NR5A2: variants seen among roughly 807,000 people sequenced by gnomAD.
The protein encoded by NR5A2 is CYP7A promoter-binding factor.
NR5A2 carries 26 observed loss-of-function variants against 62.7 expected under a neutral mutation model. The ratio of observed to expected loss-of-function variants is 0.41; its 90% confidence interval spans 0.30 to 0.58. NR5A2 has a LOEUF of 0.58. NR5A2 is among the 20% of genes least tolerant of loss of function. The probability of loss-of-function intolerance (pLI) is 0.22; values close to 1 mark genes in which losing one functional copy is unlikely to be tolerated. For missense variants in NR5A2, 541 were observed against 669.1 expected (o/e 0.81, Z 2.11); for synonymous variants, 246 against 241.7 (o/e 1.02, Z -0.16).
intron 5 of NR5A2, chr1:200,058,262 TGAA>T (rs2102188754): frequency 6.6e-6 from 1 of 152,324 alleles, no homozygotes; most frequent in Non-Finnish European, 1.5e-5. Context: ...CCATCTCCTA[TGAA>T]TTGACTATCA....
chr1:200,105,737 A>C (rs1665620534), intron 5 of NR5A2, among the ~76,000 whole-genome samples: 1 of 152,120 alleles, frequency 6.6e-6, no homozygotes, highest in Non-Finnish European at 1.5e-5. Flanking sequence ...GGATACCTTG[A>C]GTCTAGGAGT....
intron 7 of NR5A2, among the ~76,000 whole-genome samples, chr1:200,148,503 T>A (rs1667828627): frequency 6.6e-6 from 1 of 152,094 alleles, no homozygotes; most frequent in South Asian, 2.1e-4. Context: ...CTCCCCCCAA[T>A]AATCTCACAA....
intron 5 of NR5A2, among the ~76,000 whole-genome samples, chr1:200,095,184 A>G (rs1665027847): frequency 6.6e-6 from 1 of 150,874 alleles, no homozygotes; most frequent in African/African-American, 2.4e-5. Context: ...TGGTATACTC[A>G]TAGCTCACTG....
intron 7 of NR5A2, among the ~76,000 whole-genome samples, chr1:200,123,750 A>ATT (rs11397949): frequency 0.03 from 1,606 of 52,782 alleles, 36 homozygotes; most frequent in African/African-American, 0.085. Flanking sequence ...TACTTATTTA[A>ATT]TTTTTTTTTT....
chr1:200,113,335 C>T (rs904550259), intron 6 of NR5A2, among the ~76,000 whole-genome samples: 3 of 152,218 alleles, frequency 2.0e-5, no homozygotes, highest in East Asian at 1.9e-4. Flanking sequence ...TTTTTTCATC[C>T]AGTCCAGTGG....
intron 7 of NR5A2, among the ~76,000 whole-genome samples, chr1:200,156,543 G>C (rs1468511740): frequency 6.6e-6 from 1 of 151,900 alleles, no homozygotes; most frequent in African/African-American, 2.4e-5. Flanking sequence ...GATTACAGGT[G>C]CCCCCCCACC....
intron 7 of NR5A2, among the ~76,000 whole-genome samples, chr1:200,172,105 T>C (rs1192159840): frequency 6.6e-6 from 1 of 152,210 alleles, no homozygotes; most frequent in African/African-American, 2.4e-5. Flanking sequence ...TTTTTCACTG[T>C]AGCGTAAAAT....
chr1:200,114,346 AAAG>A (rs1182917100), intron 6 of NR5A2, among the ~76,000 whole-genome samples: 12 of 151,620 alleles, frequency 7.9e-5, no homozygotes, highest in African/African-American at 2.9e-4. Context: ...AAAAAGAAAA[AAAG>A]AACTGCTTCC....
At chr1:200,159,410 G>A (rs921714038) in intron 7 of NR5A2, among the ~76,000 whole-genome samples, 1 of 152,012 alleles carries the variant, frequency 6.6e-6, no homozygotes, top group Non-Finnish European at 1.5e-5. Context: ...GTCACCCAGG[G>A]CCACATCACC....
At chr1:200,041,838 GT>G (rs1411597781) in intron 2 of NR5A2, among the ~76,000 whole-genome samples, 1 of 152,122 alleles carries the variant, frequency 6.6e-6, no homozygotes, top group Non-Finnish European at 1.5e-5. Context: ...TCGATGTCGG[GT>G]CCCCGAGGTA....
chr1:200,080,533 G>A (rs1279800024), intron 5 of NR5A2, among the ~76,000 whole-genome samples: 1 of 152,142 alleles, frequency 6.6e-6, no homozygotes, highest in Non-Finnish European at 1.5e-5. Context: ...AAGGAAAAAT[G>A]AGCTCTGTAA....
chr1:200,110,490 A>G (rs1232512672), intron 5 of NR5A2, among the ~76,000 whole-genome samples: 3 of 152,306 alleles, frequency 2.0e-5, no homozygotes, highest in Middle Eastern at 3.4e-3. Flanking sequence ...TGTAATCCTC[A>G]TAGCAACCTT....
At chr1:200,038,873 C>T (rs955240845) in intron 1 of NR5A2, 2 of 706,656 alleles carry the variant, frequency 2.8e-6, no homozygotes, top group Non-Finnish European at 4.0e-6. Flanking sequence ...GGGACTGGAG[C>T]CTGAGCCTCA....
chr1:200,107,820 G>A (rs572381062), intron 5 of NR5A2, among the ~76,000 whole-genome samples: 5 of 150,016 alleles, frequency 3.3e-5, no homozygotes, highest in Admixed American at 1.3e-4. Context: ...TTTAAGAGAC[G>A]GGGTTTCACC....
At chr1:200,157,209 C>A (rs1284493643) in intron 7 of NR5A2, among the ~76,000 whole-genome samples, 1 of 152,178 alleles carries the variant, frequency 6.6e-6, no homozygotes, top group Admixed American at 6.5e-5. Flanking sequence ...GAGCAATTTA[C>A]TAATTTCAAT....
At chr1:200,041,035 C>T (rs886298583) in intron 2 of NR5A2, among the ~76,000 whole-genome samples, 2 of 152,006 alleles carry the variant, frequency 1.3e-5, no homozygotes, top group Non-Finnish European at 2.9e-5. Flanking sequence ...GCCTTTCTTC[C>T]GGGCACCTGG....
At chr1:200,163,933 A>G (rs61826186) in intron 7 of NR5A2, among the ~76,000 whole-genome samples, 28,966 of 152,032 alleles carry the variant, frequency 0.19, 3,736 homozygotes, top group African/African-American at 0.37. Flanking sequence ...TGTAATCCCC[A>G]ATGCTGGAGG....
Position 200,159,937 on chromosome 1 carries a change from GC to G in NR5A2, c.1379-14024del, listed in dbSNP as rs1653565755. ...CAAAGTGCTGGGATTAGAGGCATAAGCCACCATGCCTGGTCTGAGAAGATTT... is the reference window on the plus strand; with the variant it reads ...CAAAGTGCTGGGATTAGAGGCATAAGCACCATGCCTGGTCTGAGAAGATTT... On this transcript the variant is annotated intron_variant, in intron 7 of 7. Transcript: ENST00000367362. Among the ~76,000 whole-genome samples the G allele has an allele frequency of 2.0e-5, 3 of 152,212 alleles. 1 individual carries two copies. The South Asian group carries it at 6.2e-4, about 31-fold the overall frequency.
intron 5 of NR5A2, among the ~76,000 whole-genome samples, chr1:200,061,904 A>G (rs1663237921): frequency 6.6e-6 from 1 of 152,192 alleles, no homozygotes; most frequent in Non-Finnish European, 1.5e-5. Context: ...AGAGCAGGAT[A>G]ATTACTTCAT....
Sources: gnomAD v4.1 joint callset for allele counts (sites outside exome capture counted in the v4.1 genomes callset) on GRCh38, gnomAD v4.1.1 for gene constraint, MANE v1.5 for transcripts, NCBI Gene and HGNC (gene_info 2026-07-23, HGNC 2026-07-21) for gene names.